SLC9A3: variants seen among roughly 807,000 people sequenced by gnomAD.
The protein encoded by SLC9A3 is solute carrier family 9 member A3.
A neutral mutation model predicts 86.8 loss-of-function variants in SLC9A3; 37 were observed. The observed-to-expected ratio is 0.43, with a 90% CI of 0.33 to 0.56. The LOEUF is 0.56. Ranked by LOEUF, SLC9A3 falls within the 20% of genes least tolerant of loss-of-function variation. SLC9A3 has a pLI of 0.06. For missense variants in SLC9A3, 1,011 were observed against 1,171.9 expected, an observed-to-expected ratio of 0.86 and a Z score of 2.00; for synonymous variants, 581 against 528.3, an observed-to-expected ratio of 1.10 and a Z score of -1.37.
At chr5:493,565 C>CGGAAGGA in intron 1 of SLC9A3, among the ~76,000 whole-genome samples, 1 of 152,262 alleles carries the variant, frequency 6.6e-6, no homozygotes, top group Non-Finnish European at 1.5e-5. Context: ...GATGGTCTTA[C>CGGAAGGA]ACCAAATACC....
In SLC9A3 at chr5:474,947, A is replaced by G; in HGVS notation, c.2437T>C (p.Ser813Pro). 1 of 1,608,134 alleles carries G rather than the reference A, an allele frequency of 6.2e-7. No individual in the cohort carries two copies. The highest frequency in any genetic ancestry group is 8.5e-7 in the Non-Finnish European group (1 of 1,178,220). The change falls in exon 16 of 17, where the codon TCC becomes CCC. Residue 813 changes from serine to proline, a missense_variant. Around this residue, in one of 3 missense-constraint regions of SLC9A3, gnomAD observed 397 missense variants for 346.3 expected, o/e 1.15. Transcript: ENST00000264938. The part of the protein sequence containing the change: ...PFRLSSKSVD[S>P]FLQADGPEER... The stretch of plus-strand genomic sequence containing the variant: ...TCGGGGCCGTCTGCCTGCAGGAAGG[A>G]GTCCACGGACTTGCTGCTGAGGCGG...
At chr5:481,673 C>A in intron 8 of SLC9A3, 38 bp from the exon 9 acceptor site, 2 of 1,567,656 alleles carry the variant, frequency 1.3e-6, no homozygotes, top group Non-Finnish European at 1.8e-6. Flanking sequence ...CTCGGGGCGG[C>A]CAACCGGGGA....
chr5:479,886 T>C lies in SLC9A3; in HGVS notation c.1597A>G (p.Asn533Asp). Residue 533 changes from asparagine to aspartate, a missense_variant, in exon 10 of 17, where the codon AAT (asparagine) becomes GAT (aspartate). Coordinates refer to ENST00000264938, the MANE Select transcript of SLC9A3 (RefSeq NM_004174.4). ...TTCAGGTTCAGCTCGTGGAAGACAT[T>C]CAGGATCCGGTCTCGAGACTTCTGG... ...SAQKSRDRIL[N>D]VFHELNLKDA... 3 of 1,613,920 alleles carry C rather than the reference T, an allele frequency of 1.9e-6. No homozygotes were observed. The highest frequency in any genetic ancestry group is 1.3e-5 in the African/African-American group (1 of 75,040).
chr5:479,343 CAG>C (rs1738997426), intron 10 of SLC9A3: 1 of 159,738 alleles, frequency 6.3e-6, no homozygotes, highest in South Asian at 1.7e-4. Flanking sequence ...CTGGAGCAGT[CAG>C]GGGCTCTGCA....
chr5:503,586 C>T (rs1467434149), intron 1 of SLC9A3, among the ~76,000 whole-genome samples: 2 of 152,136 alleles, frequency 1.3e-5, no homozygotes, highest in South Asian at 4.1e-4. Flanking sequence ...GGCGGGGAAA[C>T]CTTGAAGAGC....
At position 491,595 on chromosome 5, in the gene SLC9A3, G is replaced by A. The variant is rs1038563084; in HGVS notation, c.514+174C>T. On this transcript the variant is annotated intron_variant, in intron 2 of 16. Transcript: ENST00000264938. The surrounding 1 kb of genome is among the most constrained non-coding windows in gnomAD (Gnocchi z 9.2). ...AACACGTGCTGGGACCTGGGGACGC[G>A]CAGGGGACTGGCCTTGGTCACGAGG... is the stretch of plus-strand genomic sequence containing the variant. Among the ~76,000 whole-genome samples, 1 of 152,118 alleles carries A rather than the reference G, an allele frequency of 6.6e-6. No homozygotes were observed. Among genetic ancestry groups the A allele is most frequent in the Non-Finnish European group, 1.5e-5 (1 of 68,014 alleles).
At chr5:483,810 C>T (rs1316219765) in intron 5 of SLC9A3, among the ~76,000 whole-genome samples, 4 of 152,386 alleles carry the variant, frequency 2.6e-5, no homozygotes, top group African/African-American at 4.8e-5. Flanking sequence ...TCAGTGGAAA[C>T]GCCAACTCCT....
intron 2 of SLC9A3, among the ~76,000 whole-genome samples, chr5:490,115 G>A (rs1244046353): frequency 1.0e-5 from 1 of 98,490 alleles, no homozygotes; most frequent in African/African-American, 4.3e-5. Flanking sequence ...GAATGGGATG[G>A]ACCTGCCGGC....
At position 491,938 on chromosome 5, in the gene SLC9A3, G is replaced by A. The variant is rs1426802490; in HGVS notation, c.345C>T (p.Phe115=). 11 of 1,611,182 alleles carry A rather than the reference G, an allele frequency of 6.8e-6. No homozygotes were observed. Among genetic ancestry groups the A allele is most frequent in the East Asian group, 4.5e-5 (2 of 44,754 alleles). The change falls in exon 2 of 17, where the codon TTC becomes TTT. Residue 115 remains phenylalanine, a synonymous_variant. Transcript: ENST00000264938. The surrounding 1 kb of genome is among the most constrained non-coding windows in gnomAD (Gnocchi z 9.2). ...IASFTLTPTV[F]FFYLLPPIVL... is the part of the protein sequence containing the mutation. Reference sequence around the variant, plus strand: ...CGATGGGGGGCAGCAGGTAGAAGAAGAAGACGGTGGGCGTCAGTGTGAAGG... The same window carrying A: ...CGATGGGGGGCAGCAGGTAGAAGAAAAAGACGGTGGGCGTCAGTGTGAAGG...
intron 3 of SLC9A3, 29 bp downstream of exon 3, chr5:488,269 GGCCTCCCACGGCTCGCCC>G: frequency 6.2e-7 from 1 of 1,601,558 alleles, no homozygotes; most frequent in Non-Finnish European, 8.5e-7. Context: ...ACGGGGCCCA[GGCCTCCCACGGCTCGCCC>G]GCTCTGGAGC....
At position 477,496 on chromosome 5, in the gene SLC9A3, G is replaced by A. The variant is rs753555195; in HGVS notation, c.1648-52C>T. On this transcript the variant is annotated intron_variant, in intron 10 of 16. Transcript: ENST00000264938. ...TGGCCTGAGCAGCCAAGCCCTAGCT[G>A]CTGCCATTGTGTGCCCTGGGGGGAA... 138 of 1,373,018 alleles carry A rather than the reference G, an allele frequency of 1.0e-4. 1 individual carries two copies. The South Asian group carries it at 1.6e-3, about 15-fold the overall frequency. The allele number at this position is 1,373,018 out of a possible 1,614,324, so 85.1% of individuals were successfully genotyped here.
chr5:524,337 C>G lies in SLC9A3; in HGVS notation c.-15G>C. The G allele has an allele frequency of 8.5e-7, 1 of 1,181,292 alleles. No individual in the cohort carries two copies. Among genetic ancestry groups the G allele is most frequent in the African/African-American group, 1.6e-5 (1 of 61,508 alleles). The allele number at this position is 1,181,292 out of a possible 1,614,324, so 73.2% of individuals were successfully genotyped here. On this transcript the variant is annotated 5_prime_UTR_variant, in exon 1 of 17. Transcript: ENST00000264938. ...AGTCCCCACATTGCCGCCTGCTCAG[C>G]GCAGGGCTGGGACGCGCATGTCGCG... is the stretch of plus-strand genomic sequence containing the variant.
chr5:475,524 C>T (rs759580585), intron 15 of SLC9A3, 37 bp downstream of exon 15: 11 of 1,306,482 alleles, frequency 8.4e-6, no homozygotes, highest in South Asian at 3.8e-5. Flanking sequence ...CAGGAGCCAC[C>T]CCTCCCTTAG....
chr5:483,519 G>T, intron 5 of SLC9A3, 37 bp from the exon 6 acceptor site: 1 of 1,473,890 alleles, frequency 6.8e-7, no homozygotes, highest in Non-Finnish European at 9.3e-7. Context: ...ACGGCCACCT[G>T]GCCTGGCGCC....
chr5:484,791 G>A (rs528446315), intron 4 of SLC9A3, 94 bp from the exon 5 acceptor site: 24 of 1,183,546 alleles, frequency 2.0e-5, no homozygotes, highest in African/African-American at 1.2e-4. Context: ...CCGGGAGCCC[G>A]GGAAACGGGG....
rs1303938311 is a variant in SLC9A3 at position 471,925 on chromosome 5, CTT to C, written c.*1452_*1453del. On this transcript the variant is annotated 3_prime_UTR_variant, in exon 17 of 17. Transcript: ENST00000264938. Reference sequence around the variant, plus strand: ...TGCAATATTCAGTCAACATAAAACTCTTTAAGAACTCCTCCTGACTGGTGACT... The same window carrying C: ...TGCAATATTCAGTCAACATAAAACTCTAAGAACTCCTCCTGACTGGTGACT... The C allele has an allele frequency of 1.3e-5, 6 of 456,554 alleles. No homozygotes were observed. In the East Asian group the frequency reaches 2.1e-4, roughly 16 times the overall value. The allele number at this position is 456,554 out of a possible 1,614,324, so 28.3% of individuals were successfully genotyped here. A position where few individuals can be genotyped will look rare whatever the true frequency, so the allele number is the denominator to read the frequency against.
chr5:500,778 T>C (rs376467979), intron 1 of SLC9A3, among the ~76,000 whole-genome samples: 9 of 73,234 alleles, frequency 1.2e-4, no homozygotes, highest in African/African-American at 5.8e-4. Context: ...AGTGTGGACA[T>C]GGGGTCAGTG....
chr5:523,195 C>A (rs992513176), intron 1 of SLC9A3, among the ~76,000 whole-genome samples: 1 of 152,168 alleles, frequency 6.6e-6, no homozygotes, highest in Non-Finnish European at 1.5e-5. Context: ...TCCAATCAAG[C>A]CTGCTGGGCG....
intron 1 of SLC9A3, among the ~76,000 whole-genome samples, chr5:523,823 G>T (rs1298011700): frequency 6.6e-6 from 1 of 152,324 alleles, no homozygotes; most frequent in South Asian, 2.1e-4. Flanking sequence ...CAGTCTGCGG[G>T]GCTCGGAGCG....
Sources: allele counts gnomAD v4.1 joint callset (sites outside exome capture counted in the v4.1 genomes callset), GRCh38; gene constraint gnomAD v4.1.1; regional missense constraint gnomAD v4.1.1; non-coding constraint Gnocchi (gnomAD v3.1); transcripts MANE v1.5; gene names NCBI Gene and HGNC (gene_info 2026-07-23, HGNC 2026-07-21).